IL31RA: variants seen among roughly 807,000 people sequenced by gnomAD.
The protein encoded by IL31RA is interleukin-31 receptor subunit alpha.
Under a neutral mutation model 83.7 loss-of-function variants are expected in IL31RA, and 66 were observed. The observed-to-expected ratio is 0.79, with a 90% confidence interval of 0.65 to 0.97. The LOEUF is 0.97. Among genes scored for constraint, IL31RA ranks in the 50% least tolerant of loss-of-function variants. The pLI, the probability that IL31RA is intolerant of heterozygous loss-of-function variation, is 0.00. For synonymous variants in IL31RA, 325 were observed against 329.0 expected, an observed-to-expected ratio of 0.99 and a Z score of 0.13; for missense variants, 798 against 919.4, an observed-to-expected ratio of 0.87 and a Z score of 1.71.
rs771568255 is a variant in IL31RA at position 55,907,378 on chromosome 5, G to C, written c.1272G>C (p.Trp424Cys). 1.9e-6 allele frequency: 3 copies of C among 1,612,392 alleles called. No individual in the cohort carries two copies. The highest frequency in any genetic ancestry group is 2.5e-6 in the Non-Finnish European group (3 of 1,178,628). The part of the protein sequence containing the change: ...TIQQDKLKPF[W>C]CYNISVYPML... Reference sequence around the variant, plus strand: ...TCACAGATAAATTAAAACCTTTCTGGTGCTATAACATCTCTGTGTATCCAA... The same window carrying C: ...TCACAGATAAATTAAAACCTTTCTGCTGCTATAACATCTCTGTGTATCCAA... The change falls in exon 10 of 15, where the codon TGG (tryptophan) becomes TGC (cysteine). Residue 424 changes from tryptophan to cysteine, a missense_variant. Trp to Cys is a radical substitution (Grantham distance 215). Transcript: ENST00000652347.
At chr5:55,880,802 G>C (rs1232036845) in intron 4 of IL31RA, among the ~76,000 whole-genome samples, 1 of 152,190 alleles carries the variant, frequency 6.6e-6, no homozygotes, top group Non-Finnish European at 1.5e-5. Flanking sequence ...CTGTGATCAA[G>C]ACCAGCCTTT....
intron 5 of IL31RA, among the ~76,000 whole-genome samples, chr5:55,883,749 C>T (rs1747411130): frequency 6.6e-6 from 1 of 152,044 alleles, no homozygotes; most frequent in South Asian, 2.1e-4. Context: ...CATTTTTTAC[C>T]ATTTAAGGCT....
rs1304627425 is a variant in IL31RA, at chr5:55,889,967, T to C, written c.607-3T>C. 1.2e-6 allele frequency: 2 copies of C among 1,613,976 alleles called. No individual in the cohort carries two copies. The highest frequency in any genetic ancestry group is 1.1e-5 in the South Asian group (1 of 91,082). Reference sequence around the variant, plus strand: ...TCAGTTTAGGATTGTCTCTGTCTTGTAGATGGAAGTCAACTTCGCTAAGAA... The same window carrying C: ...TCAGTTTAGGATTGTCTCTGTCTTGCAGATGGAAGTCAACTTCGCTAAGAA... On this transcript the variant is annotated splice_polypyrimidine_tract_variant and splice_region_variant and intron_variant, in intron 5 of 14. Coordinates refer to ENST00000652347, the MANE Select transcript of IL31RA (RefSeq NM_139017.7).
rs544468725 is a variant in IL31RA, at chr5:55,917,042, A to G, written c.2217A>G (p.Pro739=). 6.2e-7 allele frequency: 1 copy of G among 1,614,244 alleles called. No homozygotes were observed. The highest frequency in any genetic ancestry group is 2.2e-5 in the East Asian group (1 of 44,882). The change falls in exon 15 of 15, where the codon CCA becomes CCG. Residue 739 remains proline, a synonymous_variant. Coordinates refer to ENST00000652347, the MANE Select transcript of IL31RA (RefSeq NM_139017.7). ...DHLCEEGAPN[P]YLKNSVTARE... Reference sequence around the variant, plus strand: ...TGTGTGAGGAAGGAGCCCCAAATCCATATTTGAAAAATTCAGTGACAGCCA... The same window carrying G: ...TGTGTGAGGAAGGAGCCCCAAATCCGTATTTGAAAAATTCAGTGACAGCCA...
chr5:55,892,680 T>C (rs1007988131), intron 6 of IL31RA, among the ~76,000 whole-genome samples: 4 of 152,244 alleles, frequency 2.6e-5, no homozygotes, highest in Non-Finnish European at 5.9e-5. Flanking sequence ...TCCCCTGCCA[T>C]GGCTGTCACT....
chr5:55,874,764 G>T (rs1746732923), intron 4 of IL31RA, among the ~76,000 whole-genome samples: 1 of 152,090 alleles, frequency 6.6e-6, no homozygotes, highest in African/African-American at 2.4e-5. Flanking sequence ...GGTTCTAATA[G>T]GTTTTTTAGG....
rs1460553083 is a variant in IL31RA, at chr5:55,920,551, G to A, written c.*3431G>A. Among the ~76,000 whole-genome samples the A allele has an allele frequency of 6.6e-6, 1 of 152,204 alleles. No individual in the cohort carries two copies. The highest frequency in any genetic ancestry group is 1.9e-4 in the East Asian group (1 of 5,206). ...ATGGCGGCTTGCCCCTACAAAGGCA[G>A]AGTTGAGTAGTTTCAACACAGAGTT... On this transcript the variant is annotated 3_prime_UTR_variant, in exon 15 of 15. Transcript: ENST00000652347.
chr5:55,851,587 T>C lies in IL31RA; in HGVS notation c.17T>C (p.Leu6Pro). 6.2e-7 allele frequency: 1 copy of C among 1,613,986 alleles called. No individual in the cohort carries two copies. Among genetic ancestry groups the C allele is most frequent in the Non-Finnish European group, 8.5e-7 (1 of 1,179,904 alleles). ...CAGCTGGGAATGTGCATCAGGCAAC[T>C]CAAGTTTTTCACCACGGCATGTGTC... is the stretch of plus-strand genomic sequence containing the variant. Reference protein sequence around the residue: MCIRQLKFFTTACVCE... With the variant: MCIRQPKFFTTACVCE... The change falls in exon 1 of 15, where the codon CTC becomes CCC. Residue 6 changes from leucine (L) to proline (P), a missense_variant. Coordinates refer to ENST00000652347, the MANE Select transcript of IL31RA (RefSeq NM_139017.7).
chr5:55,904,852 T>TG (rs59022028), intron 8 of IL31RA, among the ~76,000 whole-genome samples: 6 of 150,184 alleles, frequency 4.0e-5, no homozygotes, highest in Admixed American at 6.7e-5. Flanking sequence ...TTTTTTTTTT[T>TG]GCAGGACACT....
chr5:55,858,905 C>A (rs145378530), intron 1 of IL31RA, among the ~76,000 whole-genome samples: 193 of 152,276 alleles, frequency 1.3e-3, no homozygotes, highest in African/African-American at 4.3e-3. Flanking sequence ...GGGAAGCCGT[C>A]AGGTAAATTG....
chr5:55,869,716 C>T (rs148053381), intron 3 of IL31RA, among the ~76,000 whole-genome samples: 9 of 152,220 alleles, frequency 5.9e-5, no homozygotes, highest in Admixed American at 2.6e-4. Flanking sequence ...TCAAGTGATC[C>T]GCCCACCTCA....
chr5:55,922,562 C>T lies in IL31RA; in HGVS notation c.*5442C>T. 5 of 720,380 alleles carry T rather than the reference C, an allele frequency of 6.9e-6. No individual in the cohort carries two copies. Among genetic ancestry groups the T allele is most frequent in the Non-Finnish European group, 1.2e-5 (5 of 426,462 alleles). 44.6% of individuals were successfully genotyped at this position (720,380 alleles called of 1,614,324 possible). A position where few individuals can be genotyped will look rare whatever the true frequency, so the allele number is the denominator to read the frequency against. Reference sequence around the variant, plus strand: ...CATCTCTGAAGACTGGGTATGTGGTCTTTTCCACACATGGACCACCTACGG... The same window carrying T: ...CATCTCTGAAGACTGGGTATGTGGTTTTTTCCACACATGGACCACCTACGG... On this transcript the variant is annotated 3_prime_UTR_variant, in exon 15 of 15. Coordinates refer to ENST00000652347, the MANE Select transcript of IL31RA (RefSeq NM_139017.7).
upstream of IL31RA, among the ~76,000 whole-genome samples, chr5:55,849,776 A>G (rs1282655953): frequency 6.6e-6 from 1 of 152,116 alleles, no homozygotes. Context: ...CTTGGCCACC[A>G]TTCTTGGAAT....
intron 4 of IL31RA, among the ~76,000 whole-genome samples, chr5:55,880,571 A>G (rs1271943947): frequency 6.6e-6 from 1 of 152,238 alleles, no homozygotes; most frequent in East Asian, 1.9e-4. Context: ...TATTCATACA[A>G]TGTTGATGGA....
intron 8 of IL31RA, among the ~76,000 whole-genome samples, chr5:55,900,480 G>A (rs564122213): frequency 2.0e-5 from 3 of 152,242 alleles, no homozygotes; most frequent in South Asian, 4.2e-4. Flanking sequence ...TTTGTCCTCC[G>A]TGACCGAAGC....
At chr5:55,852,557 A>T (rs1745127607) in intron 1 of IL31RA, among the ~76,000 whole-genome samples, 1 of 152,292 alleles carries the variant, frequency 6.6e-6, no homozygotes, top group South Asian at 2.1e-4. Flanking sequence ...TTAGTGGAAC[A>T]TTGCCTAAGG....
intron 4 of IL31RA, 140 bp downstream of exon 4, chr5:55,872,591 A>G (rs1746593284): frequency 3.8e-6 from 1 of 260,540 alleles, no homozygotes; most frequent in East Asian, 8.6e-5. Flanking sequence ...TTCATCTTCT[A>G]ATTAAAGAAG....
chr5:55,896,985 TAA>T (rs1317185291), intron 7 of IL31RA, among the ~76,000 whole-genome samples: 1 of 1,140 alleles, frequency 8.8e-4, no homozygotes, highest in East Asian at 6.8e-3. Context: ...CCCAGCTAAT[TAA>T]AAAAAAAAAA....
In IL31RA at chr5:55,918,095, G is replaced by A. The variant is rs537963824; in HGVS notation, c.*975G>A. ...CTGAGCACAGAGCTTGTGACAGTTA[G>A]TGGAGCCTTTCACGAAAGTGTGGAT... is the stretch of plus-strand genomic sequence containing the variant. On this transcript the variant is annotated 3_prime_UTR_variant, in exon 15 of 15. Transcript: ENST00000652347. 6.6e-6 allele frequency among the ~76,000 whole-genome samples: 1 copy of A among 152,358 alleles called. No homozygotes were observed. The highest frequency in any genetic ancestry group is 6.5e-5 in the Admixed American group (1 of 15,300).
Sources: allele counts gnomAD v4.1 joint callset (sites outside exome capture counted in the v4.1 genomes callset), GRCh38; gene constraint gnomAD v4.1.1; transcripts MANE v1.5; gene names NCBI Gene and HGNC (gene_info 2026-07-23, HGNC 2026-07-21).